Variants in SRD5A1 observed in about 807,000 individuals in gnomAD.
The protein encoded by SRD5A1 is steroid 5 alpha-reductase 1.
In SRD5A1, 22 loss-of-function variants were observed where a neutral mutation model predicts 28.2. That is an observed-to-expected ratio of 0.78 (90% CI 0.56 to 1.12). SRD5A1 has a LOEUF of 1.12. SRD5A1 is among the 50% of genes most tolerant of loss of function. The probability of loss-of-function intolerance (pLI) is 0.00; values close to 1 mark genes in which losing one functional copy is unlikely to be tolerated. For synonymous variants in SRD5A1, 151 were observed against 135.0 expected (o/e 1.12, Z -0.82); for missense variants, 300 against 346.7 (o/e 0.87, Z 1.07).
chr5:6,651,762 C>A, intron 1 of SRD5A1, 80 bp from the exon 2 acceptor site: 1 of 1,357,380 alleles, frequency 7.4e-7, no homozygotes, highest in Non-Finnish European at 1.0e-6. Context: ...AGATTTAAAA[C>A]CCAAATCATT....
At chr5:6,649,548 C>T (rs1035759777) in intron 1 of SRD5A1, among the ~76,000 whole-genome samples, 2 of 152,230 alleles carry the variant, frequency 1.3e-5, no homozygotes, top group East Asian at 1.9e-4. Context: ...TGGGCTCCAT[C>T]GGCATGGGAC....
chr5:6,658,232 C>T (rs922927315), intron 3 of SRD5A1, among the ~76,000 whole-genome samples: 4 of 152,012 alleles, frequency 2.6e-5, no homozygotes, highest in East Asian at 1.9e-4. Flanking sequence ...GGCTGAGACA[C>T]GAGAATCACT....
intron 3 of SRD5A1, among the ~76,000 whole-genome samples, chr5:6,659,053 G>A (rs1192390115): frequency 6.6e-6 from 1 of 151,796 alleles, no homozygotes; most frequent in Non-Finnish European, 1.5e-5. Context: ...GGAGTTTGTG[G>A]CTGCAGTGAG....
chr5:6,642,167 A>T (rs1397979768), intron 1 of SRD5A1, among the ~76,000 whole-genome samples: 2 of 152,174 alleles, frequency 1.3e-5, no homozygotes, highest in African/African-American at 4.8e-5. Flanking sequence ...ACTTATTGGG[A>T]TTCAAAGTTA....
At chr5:6,644,864 G>C (rs1453505366) in intron 1 of SRD5A1, 1 of 456,014 alleles carries the variant, frequency 2.2e-6, no homozygotes, top group Non-Finnish European at 4.4e-6. Context: ...CCAGCCCATG[G>C]TACCCATTGT....
At chr5:6,661,826 C>A (rs564464486) in intron 3 of SRD5A1, among the ~76,000 whole-genome samples, 136 of 152,242 alleles carry the variant, frequency 8.9e-4, no homozygotes, top group African/African-American at 3.1e-3. Context: ...AGCCACTGCG[C>A]CCAGCCTAAT....
At chr5:6,657,747 C>A (rs979099094) in intron 3 of SRD5A1, among the ~76,000 whole-genome samples, 1 of 152,186 alleles carries the variant, frequency 6.6e-6, no homozygotes, top group Non-Finnish European at 1.5e-5. Context: ...AGGCTGGTTA[C>A]GGAAAGGCCT....
At chr5:6,644,797 T>C (rs1169956096) in intron 1 of SRD5A1, 1 of 440,702 alleles carries the variant, frequency 2.3e-6, no homozygotes, top group Non-Finnish European at 4.6e-6. Flanking sequence ...CAAATTCTGC[T>C]TGTTCCACAG....
In SRD5A1 at chr5:6,633,854, T is replaced by C; in HGVS notation, c.278T>C (p.Val93Ala). The C allele has an allele frequency of 6.3e-7, 1 of 1,597,196 alleles. No homozygotes were observed. Among genetic ancestry groups the C allele is most frequent in the Non-Finnish European group, 8.5e-7 (1 of 1,179,432 alleles). Residue 93 changes from valine to alanine, a missense_variant, in exon 1 of 5, where the codon GTC (valine) becomes GCC (alanine). Val to Ala is a moderately conservative substitution (Grantham distance 64). Around this residue, in one of 2 missense-constraint regions of SRD5A1, gnomAD observed 174 missense variants for 160.9 expected, o/e 1.08. Coordinates refer to ENST00000274192, the MANE Select transcript of SRD5A1 (RefSeq NM_001047.4). ...TGCATCCTCCTGGCCATGTTCCTCG[T>C]CCACTACGGGCATCGGTAACGTCCC... ...PNCILLAMFL[V>A]HYGHRCLIYP...
At chr5:6,633,911 C>T in intron 1 of SRD5A1, 42 bp downstream of exon 1, 1 of 1,587,530 alleles carries the variant, frequency 6.3e-7, no homozygotes, top group Non-Finnish European at 8.5e-7. Context: ...ACTCCCGGCC[C>T]GGCGTCCTCT....
At chr5:6,643,059 T>C (rs2126529718) in intron 1 of SRD5A1, among the ~76,000 whole-genome samples, 1 of 152,292 alleles carries the variant, frequency 6.6e-6, no homozygotes, top group Admixed American at 6.5e-5. Context: ...CCATACATTT[T>C]TATCACCATC....
chr5:6,668,096 A>G (rs1245866583), intron 4 of SRD5A1, 106 bp from the exon 5 acceptor site: 4 of 687,666 alleles, frequency 5.8e-6, no homozygotes, highest in South Asian at 2.7e-5. Flanking sequence ...TACTACATTT[A>G]AAAAACTGAG....
chr5:6,636,207 C>G (rs1397954069), intron 1 of SRD5A1, among the ~76,000 whole-genome samples: 3 of 152,140 alleles, frequency 2.0e-5, no homozygotes, highest in African/African-American at 7.2e-5. Flanking sequence ...TAAACAGTCA[C>G]TTGATCTAAG....
intron 1 of SRD5A1, chr5:6,644,666 C>T: frequency 2.8e-6 from 1 of 361,962 alleles, no homozygotes; most frequent in Non-Finnish European, 5.4e-6. Flanking sequence ...CACAAGGCCT[C>T]CTGTTCTGGT....
chr5:6,660,464 C>T (rs992023817), intron 3 of SRD5A1, among the ~76,000 whole-genome samples: 4 of 152,356 alleles, frequency 2.6e-5, no homozygotes, highest in African/African-American at 9.6e-5. Context: ...CTGGGATTCA[C>T]CTGCCCAGGG....
At chr5:6,635,312 T>A (rs1425186884) in intron 1 of SRD5A1, among the ~76,000 whole-genome samples, 4 of 152,064 alleles carry the variant, frequency 2.6e-5, no homozygotes, top group Non-Finnish European at 4.4e-5. Context: ...ACCATTGCTT[T>A]ATTTTTTTTT....
chr5:6,656,500 C>T (rs1738839830), intron 3 of SRD5A1, among the ~76,000 whole-genome samples: 1 of 152,182 alleles, frequency 6.6e-6, no homozygotes, highest in South Asian at 2.1e-4. Flanking sequence ...GGAATAGATA[C>T]TTTGACCCTC....
At position 6,651,848 on chromosome 5, in the gene SRD5A1, A is replaced by G. The variant is rs764959581; in HGVS notation, c.300A>G (p.Leu100=). The change falls in exon 2 of 5, where the codon TTA becomes TTG. Residue 100 remains leucine, a synonymous_variant. Transcript: ENST00000274192. ...MFLVHYGHRC[L]IYPFLMRGGK... is the part of the protein sequence containing the mutation. ...CTGTTTCTTGTTTCCTAAGGTGCTTAATTTACCCATTTCTGATGCGAGGAG... is the reference window on the plus strand; with the variant it reads ...CTGTTTCTTGTTTCCTAAGGTGCTTGATTTACCCATTTCTGATGCGAGGAG... The G allele has an allele frequency of 1.9e-6, 3 of 1,607,990 alleles. No individual in the cohort carries two copies. The highest frequency in any genetic ancestry group is 1.7e-6 in the Non-Finnish European group (2 of 1,176,336).
chr5:6,634,258 C>G (rs978007238), intron 1 of SRD5A1, among the ~76,000 whole-genome samples: 3 of 152,130 alleles, frequency 2.0e-5, no homozygotes, highest in African/African-American at 7.2e-5. Context: ...ACCCGAGAGG[C>G]GGAGGTTACA....
Sources: allele counts gnomAD v4.1 joint callset (sites outside exome capture counted in the v4.1 genomes callset), GRCh38; gene constraint gnomAD v4.1.1; regional missense constraint gnomAD v4.1.1; transcripts MANE v1.5; gene names NCBI Gene and HGNC (gene_info 2026-07-23, HGNC 2026-07-21).